Variants in BRCA1 observed in about 807,000 individuals in gnomAD.
The protein encoded by BRCA1 is BRCA1 DNA repair associated.
A neutral mutation model predicts 173.7 loss-of-function variants in BRCA1; 140 were observed. That is an observed-to-expected ratio of 0.81 (90% CI 0.70 to 0.93). The LOEUF (loss-of-function observed/expected upper bound fraction) is 0.93. BRCA1 is among the 40% of genes least tolerant of loss of function. The probability of loss-of-function intolerance (pLI) is 0.00; values close to 1 mark genes in which losing one functional copy is unlikely to be tolerated. For missense variants in BRCA1, 1,983 were observed against 2,172.5 expected, an observed-to-expected ratio of 0.91 and a Z score of 1.73; for synonymous variants, 662 against 756.0, an observed-to-expected ratio of 0.88 and a Z score of 2.04.
intron 3 of BRCA1, chr17:43,110,468 C>T (rs1460648856): frequency 5.5e-6 from 2 of 362,270 alleles, no homozygotes; most frequent in Non-Finnish European, 5.5e-6. Context: ...CACTTACAGT[C>T]CCAGCTACTT....
chr17:43,100,655 A>ATATATT (rs1439612969), intron 6 of BRCA1, among the ~76,000 whole-genome samples: 1 of 26,422 alleles, frequency 3.8e-5, no homozygotes, highest in Admixed American at 7.0e-4. Context: ...ACATATATAT[A>ATATATT]ACATATATAT....
upstream of BRCA1, among the ~76,000 whole-genome samples, chr17:43,126,898 C>G (rs1189576832): frequency 6.6e-6 from 1 of 152,096 alleles, no homozygotes; most frequent in South Asian, 2.1e-4. Flanking sequence ...GCGCGAGTTC[C>G]AGGTGGGCGC....
chr17:43,150,539 C>G lies in BRCA1; in HGVS notation c.-20+19587G>C, dbSNP rs560940938. On this transcript the variant is annotated intron_variant, in intron 1 of 7. Transcript: ENST00000634433. ...TGCCACCCAATGTGCTCATGTTTCC[C>G]AAACCAGCATCTCTTCTCTAGACCC... Among the ~76,000 whole-genome samples, 16 of 152,264 alleles carry G rather than the reference C, an allele frequency of 1.1e-4. No individual in the cohort carries two copies. The South Asian group carries it at 3.3e-3, about 32-fold the overall frequency.
intron 11 of BRCA1, among the ~76,000 whole-genome samples, chr17:43,089,367 G>A (rs2053352374): frequency 6.6e-6 from 1 of 151,902 alleles, no homozygotes; most frequent in African/African-American, 2.4e-5. Context: ...TGATGAAGAT[G>A]ATATTCATTT....
chr17:43,058,345 G>A (rs1406281262), intron 18 of BRCA1, among the ~76,000 whole-genome samples: 2 of 151,876 alleles, frequency 1.3e-5, no homozygotes, highest in Middle Eastern at 3.4e-3. Context: ...CCACACTCCC[G>A]CCTGGGTGAC....
Position 43,115,785 on chromosome 17 carries a change from A to G in BRCA1, c.81-6T>C, listed in dbSNP as rs80358179. ...GTTCCTTGATCAACTCCAGACTAGCAGGGTAGGGGGGGAGAAAAAGAAAAT... is the reference window on the plus strand; with the variant it reads ...GTTCCTTGATCAACTCCAGACTAGCGGGGTAGGGGGGGAGAAAAAGAAAAT... On this transcript the variant is annotated splice_polypyrimidine_tract_variant and splice_region_variant and intron_variant, in intron 2 of 22. Coordinates refer to ENST00000357654, the MANE Select transcript of BRCA1 (RefSeq NM_007294.4). The G allele has an allele frequency of 4.4e-5, 71 of 1,612,614 alleles. 1 individual carries two copies. Among genetic ancestry groups the G allele is most frequent in the Non-Finnish European group, 5.7e-5 (67 of 1,179,312 alleles).
At chr17:43,045,886 T>G (rs573786749) in intron 22 of BRCA1, 84 bp from the exon 23 acceptor site, 1 of 1,577,822 alleles carries the variant, frequency 6.3e-7, no homozygotes, top group African/African-American at 1.3e-5. Flanking sequence ...AGGGTCCTGG[T>G]TGTATGAGTT....
intron 7 of BRCA1, among the ~76,000 whole-genome samples, chr17:43,098,548 T>C (rs1430426560): frequency 6.6e-6 from 1 of 151,232 alleles, no homozygotes; most frequent in Non-Finnish European, 1.5e-5. Flanking sequence ...TTTGTATTTT[T>C]AGTAAAGAGG....
intron 15 of BRCA1, among the ~76,000 whole-genome samples, chr17:43,070,236 C>A (rs1348183158): frequency 6.6e-6 from 1 of 151,974 alleles, no homozygotes; most frequent in Admixed American, 6.6e-5. Context: ...CCCGGCCATG[C>A]AATTATTTTT....
intron 1 of BRCA1, chr17:43,168,034 G>A: frequency 1.0e-5 from 2 of 195,444 alleles, no homozygotes; most frequent in Non-Finnish European, 2.1e-5. Context: ...CTTCAGTTAA[G>A]AAAATCAGCA....
intron 1 of BRCA1, among the ~76,000 whole-genome samples, chr17:43,157,849 T>C (rs929773013): frequency 1.3e-5 from 2 of 151,192 alleles, no homozygotes; most frequent in Admixed American, 1.3e-4. Context: ...AATACAAAAT[T>C]AGCTGGCTTG....
intron 19 of BRCA1, among the ~76,000 whole-genome samples, chr17:43,055,090 G>A (rs2051404561): frequency 6.6e-6 from 1 of 152,062 alleles, no homozygotes; most frequent in Non-Finnish European, 1.5e-5. Context: ...ACTTGAAAAA[G>A]GAAGAAAAGC....
chr17:43,134,098 C>G (rs1028900868), intron 1 of BRCA1, among the ~76,000 whole-genome samples: 2 of 152,240 alleles, frequency 1.3e-5, no homozygotes, highest in African/African-American at 4.8e-5. Flanking sequence ...CAGAATACCT[C>G]TCAAGTTCTC....
intron 6 of BRCA1, among the ~76,000 whole-genome samples, chr17:43,101,417 G>T (rs1234294810): frequency 1.3e-5 from 2 of 151,746 alleles, no homozygotes; most frequent in Non-Finnish European, 2.9e-5. Flanking sequence ...GGCTGGTCTT[G>T]AACTCTAGGA....
chr17:43,123,970 A>C, intron 2 of BRCA1, 47 bp downstream of exon 2: 1 of 1,403,726 alleles, frequency 7.1e-7, no homozygotes, highest in South Asian at 1.2e-5. Context: ...TTTGCATAGG[A>C]GATAATCATA....
chr17:43,091,420 A>G lies in BRCA1; in HGVS notation c.4096+15T>C, dbSNP rs1567788912. The stretch of plus-strand genomic sequence containing the variant: ...TAAATAGACTGGGGCAAACACAAAA[A>G]CCTGGTTCCAATACCTAAGTTTGAA... On this transcript the variant is annotated intron_variant, in intron 10 of 22. Transcript: ENST00000357654. 1 of 1,613,904 alleles carries G rather than the reference A, an allele frequency of 6.2e-7. No homozygotes were observed.
intron 1 of BRCA1, among the ~76,000 whole-genome samples, chr17:43,139,358 A>T (rs1292527240): frequency 6.6e-6 from 1 of 150,754 alleles, no homozygotes; most frequent in East Asian, 1.9e-4. Context: ...CTAATACCCG[A>T]TAGTTTTTTT....
Position 43,044,402 on chromosome 17 carries a change from G to A in BRCA1, c.*1276C>T. ...TGCCCTTGCACACTGGGGGGGCTAG[G>A]GAAGACCTAGTCCTTCCAACAGCTA... is the stretch of plus-strand genomic sequence containing the variant. On this transcript the variant is annotated 3_prime_UTR_variant, in exon 23 of 23. Coordinates refer to ENST00000357654, the MANE Select transcript of BRCA1 (RefSeq NM_007294.4). The A allele has an allele frequency of 2.0e-6, 1 of 506,806 alleles. No individual in the cohort carries two copies. The highest frequency in any genetic ancestry group is 3.9e-6 in the Non-Finnish European group (1 of 258,646). 31.4% of individuals were successfully genotyped at this position (506,806 alleles called of 1,614,324 possible). A position where few individuals can be genotyped will look rare whatever the true frequency, so the allele number is the denominator to read the frequency against.
chr17:43,110,290 G>A (rs1344759423), intron 3 of BRCA1, among the ~76,000 whole-genome samples: 1 of 152,074 alleles, frequency 6.6e-6, no homozygotes, highest in Non-Finnish European at 1.5e-5. Flanking sequence ...AAAAGACAGA[G>A]CTAACTAAAA....
Sources: allele counts gnomAD v4.1 joint callset (sites outside exome capture counted in the v4.1 genomes callset), GRCh38; gene constraint gnomAD v4.1.1; transcripts MANE v1.5; gene names NCBI Gene and HGNC (gene_info 2026-07-23, HGNC 2026-07-21).